The following FHIT variants were observed in gnomAD, a reference collection of about 807,000 sequenced individuals.
FHIT encodes bis(5'-adenosyl)-triphosphatase.
In FHIT, 19 loss-of-function variants were observed where a neutral mutation model predicts 17.9. The observed-to-expected ratio is 1.06, with a 90% CI of 0.74 to 1.56. FHIT has a LOEUF of 1.56. Among genes scored for constraint, FHIT ranks in the 40% most tolerant of loss-of-function variants. The pLI is 0.00. For missense variants in FHIT, 248 were observed against 189.2 expected (o/e 1.31, Z -1.82); for synonymous variants, 81 against 69.7 (o/e 1.16, Z -0.81).
intron 3 of FHIT, among the ~76,000 whole-genome samples, chr3:60,905,368 C>G (rs142104023): frequency 8.9e-4 from 136 of 152,240 alleles, no homozygotes; most frequent in African/African-American, 3.2e-3. Context: ...AAGGGTATAA[C>G]CTGTGTAAAG....
chr3:59,751,683 G>C (rs1379243107), intron 9 of FHIT: 2 of 229,358 alleles, frequency 8.7e-6, no homozygotes, highest in Admixed American at 5.7e-5. Context: ...CCTGTGGCCT[G>C]AGCTTCCTAG....
At chr3:61,001,071 T>G (rs2031048335) in intron 3 of FHIT, among the ~76,000 whole-genome samples, 1 of 152,158 alleles carries the variant, frequency 6.6e-6, no homozygotes, top group South Asian at 2.1e-4. Context: ...TCGACATCAT[T>G]AGCCATAAGA....
chr3:60,950,171 T>G (rs1014789641), intron 3 of FHIT, among the ~76,000 whole-genome samples: 1 of 152,218 alleles, frequency 6.6e-6, no homozygotes, highest in Non-Finnish European at 1.5e-5. Context: ...GAGTATGAAA[T>G]TGTCTAATGA....
chr3:61,167,590 C>T (rs2037875437), intron 2 of FHIT, among the ~76,000 whole-genome samples: 1 of 137,060 alleles, frequency 7.3e-6, no homozygotes, highest in Non-Finnish European at 1.5e-5. Flanking sequence ...GACTGCACCA[C>T]TGCACTCCAG....
At chr3:60,390,545 G>C (rs1472091310) in intron 5 of FHIT, among the ~76,000 whole-genome samples, 1 of 151,864 alleles carries the variant, frequency 6.6e-6, no homozygotes, top group African/African-American at 2.4e-5. Context: ...TCCTTCAGGA[G>C]TTGCTCCAGA....
intron 4 of FHIT, among the ~76,000 whole-genome samples, chr3:60,612,781 C>G (rs1331345984): frequency 9.9e-5 from 15 of 152,182 alleles, no homozygotes; most frequent in Non-Finnish European, 1.9e-4. Flanking sequence ...GCATGCCACA[C>G]AGACCACCAC....
intron 5 of FHIT, among the ~76,000 whole-genome samples, chr3:60,284,307 G>A (rs1226019642): frequency 6.6e-6 from 1 of 152,148 alleles, no homozygotes; most frequent in African/African-American, 2.4e-5. Flanking sequence ...ATGAGGTGTA[G>A]ACGTTCAGCT....
intron 1 of FHIT, among the ~76,000 whole-genome samples, chr3:61,202,442 C>A (rs896521487): frequency 6.9e-6 from 1 of 145,930 alleles, no homozygotes; most frequent in African/African-American, 2.5e-5. Flanking sequence ...GAAGTGACAG[C>A]CTTGTGTGTG....
intron 5 of FHIT, among the ~76,000 whole-genome samples, chr3:60,146,816 G>C (rs554924008): frequency 2.6e-5 from 4 of 152,262 alleles, no homozygotes; most frequent in African/African-American, 9.6e-5. Context: ...TTCCTACCAT[G>C]CGTCCGCTAT....
intron 9 of FHIT, chr3:59,751,823 G>C (rs1700922036): frequency 8.3e-6 from 2 of 240,870 alleles, no homozygotes; most frequent in South Asian, 3.5e-4. Flanking sequence ...GGTTTACAGG[G>C]CTTTGCAGAC....
intron 2 of FHIT, among the ~76,000 whole-genome samples, chr3:61,125,702 TG>T (rs1210216911): frequency 9.2e-5 from 14 of 152,220 alleles, no homozygotes; most frequent in Non-Finnish European, 2.1e-4. Flanking sequence ...TCTAAAACTA[TG>T]TGCTCAAGTG....
At chr3:60,764,554 C>T (rs1445948721) in intron 4 of FHIT, among the ~76,000 whole-genome samples, 2 of 152,008 alleles carry the variant, frequency 1.3e-5, no homozygotes, top group Non-Finnish European at 2.9e-5. Context: ...GGAAAAAATA[C>T]GAAGAAAAGT....
At chr3:61,100,420 A>G (rs888138807) in intron 2 of FHIT, among the ~76,000 whole-genome samples, 2 of 152,152 alleles carry the variant, frequency 1.3e-5, no homozygotes, top group African/African-American at 4.8e-5. Flanking sequence ...ATAGTATTCC[A>G]TGGTGTATAT....
In FHIT at chr3:60,637,425, G is replaced by A. The variant is rs1053868838; in HGVS notation, c.-17-100446C>T. On this transcript the variant is annotated intron_variant, in intron 4 of 9. Coordinates refer to ENST00000492590, the MANE Select transcript of FHIT (RefSeq NM_002012.4). Reference sequence around the variant, plus strand: ...TACTCAATATGGTACCTCACATATAGGAAGGGTATATTTATTTAAAAAATA... The same window carrying A: ...TACTCAATATGGTACCTCACATATAAGAAGGGTATATTTATTTAAAAAATA... Among the ~76,000 whole-genome samples, 5 of 152,080 alleles carry A rather than the reference G, an allele frequency of 3.3e-5. No homozygotes were observed. In the East Asian group the frequency reaches 9.6e-4, roughly 29 times the overall value.
At chr3:60,072,886 G>C (rs1295091051) in intron 5 of FHIT, among the ~76,000 whole-genome samples, 2 of 152,178 alleles carry the variant, frequency 1.3e-5, no homozygotes, top group Non-Finnish European at 2.9e-5. Context: ...TTTGAAGGGA[G>C]AGATTCAACC....
At chr3:60,106,679 C>G (rs1704429094) in intron 5 of FHIT, among the ~76,000 whole-genome samples, 1 of 152,152 alleles carries the variant, frequency 6.6e-6, no homozygotes, top group African/African-American at 2.4e-5. Context: ...AGATGAGACT[C>G]CCCTATCCTT....
intron 4 of FHIT, among the ~76,000 whole-genome samples, chr3:60,562,114 G>A (rs901563436): frequency 6.6e-6 from 1 of 152,234 alleles, no homozygotes; most frequent in African/African-American, 2.4e-5. Context: ...TTAGATGCTA[G>A]GGATACAACG....
chr3:60,572,269 C>G (rs1322713919), intron 4 of FHIT, among the ~76,000 whole-genome samples: 2 of 151,990 alleles, frequency 1.3e-5, no homozygotes, highest in Non-Finnish European at 2.9e-5. Context: ...CACACACACA[C>G]TCATACACAC....
intron 5 of FHIT, among the ~76,000 whole-genome samples, chr3:60,305,882 G>T (rs529881684): frequency 6.6e-6 from 1 of 152,072 alleles, no homozygotes; most frequent in South Asian, 2.1e-4. Flanking sequence ...TTATGAAGAC[G>T]GTTTTTGAAT....
Sources: gnomAD v4.1 joint callset for allele counts (sites outside exome capture counted in the v4.1 genomes callset) on GRCh38, gnomAD v4.1.1 for gene constraint, MANE v1.5 for transcripts, NCBI Gene and HGNC (gene_info 2026-07-23, HGNC 2026-07-21) for gene names.